The following SH3BP5 variants were observed in gnomAD, a reference collection of about 807,000 sequenced individuals.
SH3BP5 encodes the protein SH3 domain-binding protein 5.
A neutral mutation model predicts 43.3 loss-of-function variants in SH3BP5; 22 were observed. The ratio of observed to expected loss-of-function variants is 0.51; its 90% confidence interval spans 0.36 to 0.73. The LOEUF (loss-of-function observed/expected upper bound fraction) is 0.73. Ranked by LOEUF, SH3BP5 falls within the 30% of genes least tolerant of loss-of-function variation. The pLI is 0.00. For missense variants in SH3BP5, 529 were observed against 586.9 expected (o/e 0.90, Z 1.02); for synonymous variants, 255 against 225.8 (o/e 1.13, Z -1.16).
At chr3:15,318,874 C>T (rs1307895360) in intron 2 of SH3BP5, among the ~76,000 whole-genome samples, 1 of 152,232 alleles carries the variant, frequency 6.6e-6, no homozygotes, top group African/African-American at 2.4e-5. Flanking sequence ...GCCCAGCCTC[C>T]TATGCTTTTT....
chr3:15,296,181 A>G (rs113923020), intron 3 of SH3BP5, among the ~76,000 whole-genome samples: 150 of 152,268 alleles, frequency 9.9e-4, no homozygotes, highest in African/African-American at 3.5e-3. Flanking sequence ...CTCTGCCATA[A>G]CACCACCTTC....
chr3:15,285,137 T>C (rs1575310011), intron 3 of SH3BP5, among the ~76,000 whole-genome samples: 1 of 152,218 alleles, frequency 6.6e-6, no homozygotes, highest in South Asian at 2.1e-4. Context: ...GTTTAAGAAA[T>C]ATTTGTATAA....
chr3:15,257,164 A>G, intron 7 of SH3BP5, 51 bp from the exon 8 acceptor site: 1 of 1,579,140 alleles, frequency 6.3e-7, no homozygotes, highest in Non-Finnish European at 8.6e-7. Flanking sequence ...CTCCTCAAAC[A>G]CCACAAGTGC....
intron 4 of SH3BP5, among the ~76,000 whole-genome samples, chr3:15,268,340 C>G (rs1056595066): frequency 2.0e-5 from 3 of 152,216 alleles, no homozygotes; most frequent in African/African-American, 7.2e-5. Context: ...TTGGCATTAA[C>G]CTGCTGACTT....
intron 5 of SH3BP5, chr3:15,260,213 A>G: frequency 4.5e-6 from 1 of 221,952 alleles, no homozygotes; most frequent in Non-Finnish European, 9.0e-6. Flanking sequence ...AGGCTGGAGA[A>G]GGGGCTGCTT....
intron 3 of SH3BP5, among the ~76,000 whole-genome samples, chr3:15,289,082 G>T (rs1390968324): frequency 1.3e-5 from 2 of 152,200 alleles, no homozygotes; most frequent in African/African-American, 4.8e-5. Flanking sequence ...AGAGTCTTAT[G>T]CCTGCTCTGT....
At chr3:15,307,095 G>A (rs769867854) in intron 2 of SH3BP5, among the ~76,000 whole-genome samples, 9 of 152,164 alleles carry the variant, frequency 5.9e-5, no homozygotes, top group East Asian at 5.8e-4. Context: ...AAACGCCGCC[G>A]GCATTCCAAA....
At chr3:15,312,257 G>C (rs1334789342) in intron 2 of SH3BP5, among the ~76,000 whole-genome samples, 5 of 152,146 alleles carry the variant, frequency 3.3e-5, no homozygotes. Flanking sequence ...ACATTAAAAA[G>C]ACTTGCGAAA....
chr3:15,257,353 AC>A, intron 7 of SH3BP5: 1 of 476,704 alleles, frequency 2.1e-6, no homozygotes, highest in South Asian at 3.3e-5. Flanking sequence ...TAACCTTATA[AC>A]CCTGCCAAGA....
At chr3:15,267,460 G>A (rs1387884513) in intron 4 of SH3BP5, among the ~76,000 whole-genome samples, 1 of 152,184 alleles carries the variant, frequency 6.6e-6, no homozygotes, top group African/African-American at 2.4e-5. Flanking sequence ...AACTGTGAAG[G>A]GATCTGGGAA....
chr3:15,303,695 A>AG (rs1382518510), intron 3 of SH3BP5, among the ~76,000 whole-genome samples: 1 of 152,064 alleles, frequency 6.6e-6, no homozygotes, highest in Non-Finnish European at 1.5e-5. Flanking sequence ...TAAAAAGGAA[A>AG]AAAAAAAAAA....
intron 3 of SH3BP5, among the ~76,000 whole-genome samples, chr3:15,278,607 A>G (rs1279173951): frequency 6.6e-6 from 1 of 152,244 alleles, no homozygotes; most frequent in Admixed American, 6.5e-5. Flanking sequence ...AATCCAAATT[A>G]TCTCAGAACA....
intron 2 of SH3BP5, among the ~76,000 whole-genome samples, chr3:15,323,938 G>A (rs1698396766): frequency 6.6e-6 from 1 of 152,174 alleles, no homozygotes; most frequent in Non-Finnish European, 1.5e-5. Flanking sequence ...CTTCCCCAAA[G>A]GGAAATAAGC....
At chr3:15,322,085 T>G (rs1181469976) in intron 2 of SH3BP5, among the ~76,000 whole-genome samples, 1 of 151,970 alleles carries the variant, frequency 6.6e-6, no homozygotes, top group South Asian at 2.1e-4. Context: ...GCTCCTGTAA[T>G]CCAGCTACTT....
At chr3:15,262,383 C>G in intron 4 of SH3BP5, 94 bp from the exon 5 acceptor site, 1 of 1,437,432 alleles carries the variant, frequency 7.0e-7, no homozygotes, top group Non-Finnish European at 9.3e-7. Context: ...ATTCTTTGCC[C>G]GGGCATGGTG....
intron 3 of SH3BP5, among the ~76,000 whole-genome samples, chr3:15,303,838 A>G (rs1031090324): frequency 3.3e-5 from 5 of 152,146 alleles, no homozygotes; most frequent in Non-Finnish European, 7.4e-5. Context: ...GAGGAGGAAC[A>G]CCCTCTGGAC....
intron 2 of SH3BP5, among the ~76,000 whole-genome samples, chr3:15,321,063 C>G (rs1698312932): frequency 6.6e-6 from 1 of 152,156 alleles, no homozygotes; most frequent in African/African-American, 2.4e-5. Flanking sequence ...TATGTTCTAG[C>G]CAATGGCCAG....
intron 3 of SH3BP5, among the ~76,000 whole-genome samples, chr3:15,287,688 GAAGA>G (rs1697303038): frequency 6.6e-6 from 1 of 152,186 alleles, no homozygotes; most frequent in South Asian, 2.1e-4. Flanking sequence ...GTCAGTCTGG[GAAGA>G]AAGAAGTCAC....
intron 2 of SH3BP5, among the ~76,000 whole-genome samples, chr3:15,311,672 ATTTTTTG>A (rs140405813): frequency 0.019 from 2,917 of 152,068 alleles, 80 homozygotes; most frequent in African/African-American, 0.064. Flanking sequence ...CATCTTCAGT[ATTTTTTG>A]TTTTTTGTTT....
Sources: gnomAD v4.1 joint callset for allele counts (sites outside exome capture counted in the v4.1 genomes callset) on GRCh38, gnomAD v4.1.1 for gene constraint, MANE v1.5 for transcripts, NCBI Gene and HGNC (gene_info 2026-07-23, HGNC 2026-07-21) for gene names.